PPFIA2: variants seen among roughly 807,000 people sequenced by gnomAD.
PPFIA2 encodes the protein liprin-alpha-2.
In PPFIA2, 46 loss-of-function variants were observed where a neutral mutation model predicts 175.5. The ratio of observed to expected loss-of-function variants is 0.26; its 90% CI spans 0.21 to 0.34. The LOEUF (loss-of-function observed/expected upper bound fraction) is 0.34, where lower values mean the gene tolerates loss of function less well. Ranked by LOEUF, PPFIA2 falls within the 10% of genes least tolerant of loss-of-function variation. PPFIA2 has a pLI of 1.00. For synonymous variants in PPFIA2, 568 were observed against 511.4 expected, an observed-to-expected ratio of 1.11 and a Z score of -1.49; for missense variants, 1,179 against 1,506.1, an observed-to-expected ratio of 0.78 and a Z score of 3.60.
chr12:81,500,318 C>T (rs1262629552), intron 4 of PPFIA2, among the ~76,000 whole-genome samples: 2 of 152,182 alleles, frequency 1.3e-5, no homozygotes, highest in African/African-American at 4.8e-5. Flanking sequence ...TAGTACTACA[C>T]TACCCCCTCC....
rs553533758 is a variant in PPFIA2 at position 81,287,706 on chromosome 12, G to A, written c.2926-3403C>T. ...TGCTCTCTCTCCACCACCACTTTAG[G>A]GGATGGAACTTGCATCTAAGTACAT... On this transcript the variant is annotated intron_variant, in intron 24 of 32. Coordinates refer to ENST00000549396, the MANE Select transcript of PPFIA2 (RefSeq NM_003625.5). 1.2e-4 allele frequency among the ~76,000 whole-genome samples: 18 copies of A among 151,834 alleles called. No homozygotes were observed. In the South Asian group the frequency reaches 3.5e-3, roughly 30 times the overall value.
At chr12:81,646,322 T>C (rs544135845) in intron 4 of PPFIA2, among the ~76,000 whole-genome samples, 1 of 152,216 alleles carries the variant, frequency 6.6e-6, no homozygotes, top group East Asian at 1.9e-4. Flanking sequence ...AAAACTTGAT[T>C]GCACCCTAGA....
intron 4 of PPFIA2, among the ~76,000 whole-genome samples, chr12:81,662,221 G>C (rs149576394): frequency 0.012 from 1,820 of 152,192 alleles, 42 homozygotes; most frequent in African/African-American, 0.041. Context: ...GAAGGAGATA[G>C]AGACATAAAA....
chr12:81,725,205 G>T (rs868745342), intron 3 of PPFIA2, among the ~76,000 whole-genome samples: 3 of 150,734 alleles, frequency 2.0e-5, no homozygotes, highest in Non-Finnish European at 3.0e-5. Flanking sequence ...TACATAATAA[G>T]ATTAGGTCTA....
At chr12:81,507,402 A>G (rs955326594) in intron 4 of PPFIA2, among the ~76,000 whole-genome samples, 1 of 141,874 alleles carries the variant, frequency 7.0e-6, no homozygotes, top group East Asian at 2.0e-4. Context: ...ATATACAACT[A>G]AAATCCAGAA....
At chr12:81,547,334 G>A (rs1253863303) in intron 4 of PPFIA2, among the ~76,000 whole-genome samples, 1 of 151,966 alleles carries the variant, frequency 6.6e-6, no homozygotes, top group African/African-American at 2.4e-5. Flanking sequence ...CTTCACTGTA[G>A]GGTAACAACT....
intron 4 of PPFIA2, among the ~76,000 whole-genome samples, chr12:81,514,525 T>C (rs574536107): frequency 6.6e-6 from 1 of 152,034 alleles, no homozygotes; most frequent in South Asian, 2.1e-4. Flanking sequence ...AGGATTTTCA[T>C]ACATGTAACT....
intron 17 of PPFIA2, among the ~76,000 whole-genome samples, chr12:81,348,873 A>G (rs1466565590): frequency 6.6e-6 from 1 of 152,192 alleles, no homozygotes; most frequent in Non-Finnish European, 1.5e-5. Context: ...GTATAGTTTG[A>G]TAAGGGGGTC....
At chr12:81,658,621 A>G (rs2068198290) in intron 4 of PPFIA2, among the ~76,000 whole-genome samples, 1 of 151,970 alleles carries the variant, frequency 6.6e-6, no homozygotes, top group African/African-American at 2.4e-5. Context: ...AGATCAAGAA[A>G]CCTGTTCTAT....
chr12:81,323,498 G>A (rs1210503633), intron 22 of PPFIA2, among the ~76,000 whole-genome samples: 1 of 151,788 alleles, frequency 6.6e-6, no homozygotes, highest in Non-Finnish European at 1.5e-5. Flanking sequence ...TAGAAGACTA[G>A]CAAACATGAA....
intron 7 of PPFIA2, among the ~76,000 whole-genome samples, chr12:81,415,212 TATATATATATATATATATATATA>T (rs1566728585): frequency 6.8e-5 from 1 of 14,624 alleles, no homozygotes; most frequent in Non-Finnish European, 1.3e-4. Context: ...AAAAAAAAAA[TATATATATATATATATATATATA>T]TATATATATA....
intron 21 of PPFIA2, among the ~76,000 whole-genome samples, chr12:81,331,139 T>C (rs1198232991): frequency 1.3e-5 from 2 of 152,258 alleles, no homozygotes; most frequent in African/African-American, 2.4e-5. Context: ...ACCTTTCTGT[T>C]AATGATGGGC....
At chr12:81,492,883 T>C (rs188938926) in intron 4 of PPFIA2, among the ~76,000 whole-genome samples, 2 of 152,092 alleles carry the variant, frequency 1.3e-5, no homozygotes, top group East Asian at 1.9e-4. Context: ...ATTGAAAGAA[T>C]CTGGAAAAAG....
intron 4 of PPFIA2, among the ~76,000 whole-genome samples, chr12:81,494,708 C>T (rs1167718550): frequency 1.4e-4 from 21 of 151,628 alleles, no homozygotes; most frequent in African/African-American, 3.9e-4. Context: ...TGTCCAACAA[C>T]AATATACTGG....
At chr12:81,362,872 G>A (rs2031444833) in intron 14 of PPFIA2, 88 bp from the exon 15 acceptor site, 2 of 743,150 alleles carry the variant, frequency 2.7e-6, no homozygotes, top group African/African-American at 1.8e-5. Flanking sequence ...TTTTAAAAAG[G>A]AAAAACTGAG....
intron 3 of PPFIA2, among the ~76,000 whole-genome samples, chr12:81,693,791 T>C (rs1424614359): frequency 6.6e-6 from 1 of 152,038 alleles, no homozygotes; most frequent in Non-Finnish European, 1.5e-5. Context: ...AATAGTAATA[T>C]GGATGGTAAG....
chr12:81,348,717 C>A (rs886640954), intron 17 of PPFIA2, among the ~76,000 whole-genome samples: 4 of 151,956 alleles, frequency 2.6e-5, no homozygotes, highest in South Asian at 4.2e-4. Flanking sequence ...GCCTGGGTGG[C>A]AGAGTGAGAA....
chr12:81,496,178 A>T (rs1311355204), intron 4 of PPFIA2, among the ~76,000 whole-genome samples: 1 of 152,144 alleles, frequency 6.6e-6, no homozygotes, highest in Non-Finnish European at 1.5e-5. Context: ...TATTTGAAGG[A>T]GATAAGCATT....
intron 3 of PPFIA2, among the ~76,000 whole-genome samples, chr12:81,735,301 C>G (rs1222358770): frequency 6.6e-6 from 1 of 151,606 alleles, no homozygotes; most frequent in African/African-American, 2.4e-5. Flanking sequence ...TATAAAAATT[C>G]TAGATGGTGT....
Sources: gnomAD v4.1 joint callset for allele counts (sites outside exome capture counted in the v4.1 genomes callset) on GRCh38, gnomAD v4.1.1 for gene constraint, MANE v1.5 for transcripts, NCBI Gene and HGNC (gene_info 2026-07-23, HGNC 2026-07-21) for gene names.